The following ELMO1 variants were observed in gnomAD, a reference collection of about 807,000 sequenced individuals.
ELMO1 encodes the protein engulfment and cell motility 1, also known as engulfment and cell motility protein 1.
In ELMO1, 26 loss-of-function variants were observed where a neutral mutation model predicts 98.9. The observed-to-expected ratio is 0.26, with a 90% CI of 0.19 to 0.36. The LOEUF (loss-of-function observed/expected upper bound fraction) is 0.36, where lower values mean the gene tolerates loss of function less well. Ranked by LOEUF, ELMO1 falls within the 10% of genes least tolerant of loss-of-function variation. ELMO1 has a pLI of 1.00. For synonymous variants in ELMO1, 346 were observed against 346.0 expected (o/e 1.00, Z 0.00); for missense variants, 627 against 935.2 (o/e 0.67, Z 4.30).
intron 16 of ELMO1, among the ~76,000 whole-genome samples, chr7:36,976,830 C>T (rs1051128469): frequency 3.3e-5 from 5 of 152,218 alleles, no homozygotes; most frequent in African/African-American, 1.2e-4. Flanking sequence ...CCATGCCTTC[C>T]TTTCCCTTGA....
At chr7:37,337,365 G>A (rs930403476) in intron 2 of ELMO1, among the ~76,000 whole-genome samples, 6 of 152,050 alleles carry the variant, frequency 3.9e-5, no homozygotes, top group African/African-American at 7.3e-5. Context: ...ATCACACACC[G>A]GGGCCTCTTG....
intron 1 of ELMO1, among the ~76,000 whole-genome samples, chr7:37,401,770 A>G (rs944069890): frequency 1.3e-5 from 2 of 152,150 alleles, no homozygotes; most frequent in Non-Finnish European, 2.9e-5. Flanking sequence ...CTCGCATGAC[A>G]TGTGGGGATT....
chr7:37,312,508 A>G (rs1203447591), intron 4 of ELMO1, among the ~76,000 whole-genome samples: 1 of 152,216 alleles, frequency 6.6e-6, no homozygotes, highest in African/African-American at 2.4e-5. Context: ...GGTTCCAGGT[A>G]TCCAGCATGA....
intron 1 of ELMO1, among the ~76,000 whole-genome samples, chr7:37,424,424 T>G (rs1804622922): frequency 1.3e-5 from 2 of 152,182 alleles, no homozygotes; most frequent in Non-Finnish European, 2.9e-5. Flanking sequence ...CTACATAGTT[T>G]AGAAAATTGC....
chr7:37,186,967 G>A (rs1008289934), intron 13 of ELMO1, among the ~76,000 whole-genome samples: 2 of 152,158 alleles, frequency 1.3e-5, no homozygotes, highest in African/African-American at 4.8e-5. Context: ...ACAGAACAAA[G>A]AGAAATGCAA....
chr7:36,904,763 A>C (rs964225832), intron 16 of ELMO1, among the ~76,000 whole-genome samples: 1 of 152,242 alleles, frequency 6.6e-6, no homozygotes, highest in Non-Finnish European at 1.5e-5. Flanking sequence ...GCTGATCCAA[A>C]AGAGGAGACA....
chr7:36,904,839 G>A (rs1241278924), intron 16 of ELMO1, among the ~76,000 whole-genome samples: 1 of 152,180 alleles, frequency 6.6e-6, no homozygotes, highest in Non-Finnish European at 1.5e-5. Context: ...GAGATCAAGA[G>A]GCAAACAGCC....
In ELMO1 at chr7:37,342,753, C is replaced by A. The variant is rs1042796396; in HGVS notation, c.-63G>T. The A allele has an allele frequency of 1.5e-5, 21 of 1,388,484 alleles. No homozygotes were observed. The highest frequency in any genetic ancestry group is 1.9e-5 in the Non-Finnish European group (19 of 1,005,796). 86.0% of individuals were successfully genotyped at this position (1,388,484 alleles called of 1,614,324 possible). A position where few individuals can be genotyped will look rare whatever the true frequency, so the allele number is the denominator to read the frequency against. ...GGATCCTACAGCGTAAACGGCCACA[C>A]GTGTCTATACCTAATGAGGAATGAC... On this transcript the variant is annotated 5_prime_UTR_variant, in exon 2 of 22. Coordinates refer to ENST00000310758, the MANE Select transcript of ELMO1 (RefSeq NM_014800.11). The surrounding 1 kb of genome is among the most constrained non-coding windows in gnomAD (Gnocchi z 4.3).
At chr7:37,375,369 C>T (rs551268452) in intron 1 of ELMO1, among the ~76,000 whole-genome samples, 13 of 152,324 alleles carry the variant, frequency 8.5e-5, no homozygotes, top group African/African-American at 2.4e-4. Context: ...CTGGTTATCA[C>T]TTACCTATGC....
At chr7:37,119,574 TA>T (rs1344537283) in intron 14 of ELMO1, among the ~76,000 whole-genome samples, 2 of 152,164 alleles carry the variant, frequency 1.3e-5, no homozygotes, top group Non-Finnish European at 2.9e-5. Context: ...TAAAATAGTG[TA>T]AACTAAACAT....
chr7:37,267,156 T>C (rs899401196), intron 5 of ELMO1, among the ~76,000 whole-genome samples: 1 of 151,658 alleles, frequency 6.6e-6, no homozygotes, highest in South Asian at 2.1e-4. Flanking sequence ...CTTGTGGGTA[T>C]CCCTTGAGAA....
intron 15 of ELMO1, among the ~76,000 whole-genome samples, chr7:37,088,867 C>T (rs1783920256): frequency 6.6e-6 from 1 of 152,104 alleles, no homozygotes; most frequent in African/African-American, 2.4e-5. Context: ...GGCTTTAGAA[C>T]ATTTGTTTTT....
intron 16 of ELMO1, among the ~76,000 whole-genome samples, chr7:36,962,654 T>A (rs372512853): frequency 4.2e-5 from 5 of 118,590 alleles, no homozygotes; most frequent in African/African-American, 1.7e-4. Flanking sequence ...GTTATGCATC[T>A]AAGGGAATTA....
rs115864082 is a variant in ELMO1 at position 37,189,236 on chromosome 7, C to T, written c.1086+22150G>A. ...CCATGGGACAAAAGGAATTAAAAAA[C>T]TGTATATGATGGACAGACAGTGCAG... On this transcript the variant is annotated intron_variant, in intron 13 of 21. Coordinates refer to ENST00000310758, the MANE Select transcript of ELMO1 (RefSeq NM_014800.11). Among the ~76,000 whole-genome samples the T allele has an allele frequency of 3.4e-3, 512 of 152,270 alleles. 1 individual carries two copies. The highest frequency in any genetic ancestry group is 0.012 in the African/African-American group (490 of 41,544).
Position 36,955,186 on chromosome 7 carries a change from C to T in ELMO1, c.1437+58113G>A, listed in dbSNP as rs553727343. ...AGGTCAAGGGACTTTAGTCTAAGGT[C>T]GAGTAGCTCCTAACTGGTCACACCA... On this transcript the variant is annotated intron_variant, in intron 16 of 21. Coordinates refer to ENST00000310758, the MANE Select transcript of ELMO1 (RefSeq NM_014800.11). 9.2e-5 allele frequency among the ~76,000 whole-genome samples: 14 copies of T among 152,284 alleles called. No homozygotes were observed. In the South Asian group the frequency reaches 1.5e-3, roughly 16 times the overall value.
chr7:37,025,620 G>A (rs35844331), intron 15 of ELMO1, among the ~76,000 whole-genome samples: 43,762 of 150,606 alleles, frequency 0.29, 8,815 homozygotes, highest in African/African-American at 0.58. Context: ...GGGACATCTC[G>A]TCTCATTTTC....
chr7:36,986,256 C>T, intron 16 of ELMO1: 1 of 985,442 alleles, frequency 1.0e-6, no homozygotes, highest in Non-Finnish European at 1.2e-6. Flanking sequence ...GAAACTCCTG[C>T]TCATTTATTT....
intron 15 of ELMO1, among the ~76,000 whole-genome samples, chr7:37,046,322 G>C (rs1795794216): frequency 6.6e-6 from 1 of 152,186 alleles, no homozygotes; most frequent in Admixed American, 6.5e-5. Context: ...GAACATCTCA[G>C]ATGACACTGC....
intron 13 of ELMO1, among the ~76,000 whole-genome samples, chr7:37,153,115 C>T (rs544069567): frequency 2.0e-5 from 3 of 152,268 alleles, no homozygotes; most frequent in South Asian, 2.1e-4. Context: ...GTAGGCACTT[C>T]GGGAATTATA....
Sources: allele counts gnomAD v4.1 joint callset (sites outside exome capture counted in the v4.1 genomes callset), GRCh38; gene constraint gnomAD v4.1.1; non-coding constraint Gnocchi (gnomAD v3.1); transcripts MANE v1.5; gene names NCBI Gene and HGNC (gene_info 2026-07-23, HGNC 2026-07-21).